Variants in CCDC7 observed in about 807,000 individuals in gnomAD.
The protein encoded by CCDC7 is coiled-coil domain containing 7.
A neutral mutation model predicts 196.9 loss-of-function variants in CCDC7; 183 were observed. That is an observed-to-expected ratio of 0.93 (90% CI 0.82 to 1.05). The LOEUF (loss-of-function observed/expected upper bound fraction) is 1.05, where lower values mean the gene tolerates loss of function less well. CCDC7 is among the 50% of genes least tolerant of loss of function. The pLI is 0.00. For missense variants in CCDC7, 1,540 were observed against 1,482.2 expected (o/e 1.04, Z -0.64); for synonymous variants, 525 against 484.6 (o/e 1.08, Z -1.10).
intron 15 of CCDC7, among the ~76,000 whole-genome samples, chr10:32,570,564 C>T (rs3006743): frequency 0.14 from 21,011 of 152,188 alleles, 1,756 homozygotes; most frequent in East Asian, 0.25. Flanking sequence ...AGTTCTGCTC[C>T]ACAGGGTTGT....
intron 8 of CCDC7, chr10:32,481,622 T>C (rs753243504): frequency 2.6e-5 from 4 of 152,202 alleles, no homozygotes; most frequent in Non-Finnish European, 4.4e-5. Context: ...CAGTGAGTTT[T>C]ATACTTTCAT....
chr10:32,632,139 TGG>T (rs59349566), intron 18 of CCDC7, among the ~76,000 whole-genome samples: 26,682 of 125,718 alleles, frequency 0.21, 4,741 homozygotes, highest in African/African-American at 0.48. Flanking sequence ...TTCTTTTTTT[TGG>T]GGGGGGGGGG....
intron 20 of CCDC7, among the ~76,000 whole-genome samples, chr10:32,636,617 C>T (rs1305725174): frequency 6.6e-6 from 1 of 152,148 alleles, no homozygotes; most frequent in African/African-American, 2.4e-5. Context: ...TTTTCTTAAC[C>T]CAGTCTATCA....
In CCDC7 at chr10:32,490,176, A is replaced by AT. The variant is rs989606985; in HGVS notation, c.797-1739dup. Among the ~76,000 whole-genome samples the AT allele has an allele frequency of 1.0e-3, 157 of 151,698 alleles. 2 individuals are homozygous for AT. The highest frequency in any genetic ancestry group is 7.4e-5 in the Non-Finnish European group (5 of 67,894). ...TATCCTGTCTGTGTGGTTATTCTCC[A>AT]TTTTTTTGCTTTACTATCTTGCTGC... On this transcript the variant is annotated intron_variant, in intron 8 of 41. Transcript: ENST00000639629.
intron 11 of CCDC7, among the ~76,000 whole-genome samples, chr10:32,542,278 G>C (rs1281452598): frequency 6.6e-6 from 1 of 152,074 alleles, no homozygotes; most frequent in Non-Finnish European, 1.5e-5. Context: ...ATAATTGAAC[G>C]ATTTGAGCAT....
intron 28 of CCDC7, among the ~76,000 whole-genome samples, chr10:32,761,306 G>T (rs1428404447): frequency 6.6e-6 from 1 of 151,840 alleles, no homozygotes; most frequent in Non-Finnish European, 1.5e-5. Context: ...GGAATAAAAG[G>T]GTATATGGTA....
intron 28 of CCDC7, among the ~76,000 whole-genome samples, chr10:32,733,885 T>C (rs2132883159): frequency 6.6e-6 from 1 of 152,304 alleles, no homozygotes; most frequent in Non-Finnish European, 1.5e-5. Flanking sequence ...TGAGATACCA[T>C]CTCACACTAG....
At chr10:32,546,979 TTTCCTCCTCCTCCTCCTCTTC>T (rs1357602037) in intron 13 of CCDC7, among the ~76,000 whole-genome samples, 1 of 152,048 alleles carries the variant, frequency 6.6e-6, no homozygotes, top group Non-Finnish European at 1.5e-5. Flanking sequence ...TCATAGCACC[TTTCCTCCTCCTCCTCCTCTTC>T]TTCCTCTTCC....
intron 21 of CCDC7, among the ~76,000 whole-genome samples, chr10:32,673,673 G>GTGTGTGTGTGTT (rs1229059632): frequency 6.6e-6 from 1 of 150,460 alleles, no homozygotes; most frequent in African/African-American, 2.4e-5. Flanking sequence ...GTGTGTGTGT[G>GTGTGTGTGTGTT]TGTGTGTGTG....
chr10:32,505,575 A>G (rs1589290402), intron 9 of CCDC7, among the ~76,000 whole-genome samples: 1 of 152,064 alleles, frequency 6.6e-6, no homozygotes, highest in Non-Finnish European at 1.5e-5. Context: ...TCCTATGTCT[A>G]CTTCTTTCTA....
exon 15 of CCDC7, chr10:32,567,794 A>T (rs2057041947): frequency 3.7e-6 from 6 of 1,613,746 alleles, no homozygotes; most frequent in Non-Finnish European, 5.1e-6. Flanking sequence ...AAAGGTGAAG[A>T]TTCAAAAAAT....
At chr10:32,817,086 G>GA (rs955914315) in intron 31 of CCDC7, among the ~76,000 whole-genome samples, 19 of 151,020 alleles carry the variant, frequency 1.3e-4, no homozygotes, top group South Asian at 8.4e-4. Flanking sequence ...TAAAAACCTT[G>GA]AAAAAAAAAT....
chr10:32,718,992 T>C (rs1392693623), intron 25 of CCDC7, among the ~76,000 whole-genome samples: 2 of 152,162 alleles, frequency 1.3e-5, no homozygotes, highest in Non-Finnish European at 2.9e-5. Flanking sequence ...CAAGCTATCA[T>C]TGACTTTCTT....
chr10:32,518,864 TAAATAG>T (rs2047459194), intron 11 of CCDC7, among the ~76,000 whole-genome samples: 1 of 152,176 alleles, frequency 6.6e-6, no homozygotes, highest in East Asian at 1.9e-4. Context: ...CCAAATAGAG[TAAATAG>T]AAATAGAAAT....
At chr10:32,697,214 A>G (rs1369849322) in intron 24 of CCDC7, among the ~76,000 whole-genome samples, 1 of 152,210 alleles carries the variant, frequency 6.6e-6, no homozygotes, top group Non-Finnish European at 1.5e-5. Flanking sequence ...GGAACCACCC[A>G]AGATGGCCGA....
intron 39 of CCDC7, among the ~76,000 whole-genome samples, chr10:32,849,634 T>TGGA (rs2093460263): frequency 7.6e-6 from 1 of 131,780 alleles, no homozygotes; most frequent in African/African-American, 3.0e-5. Flanking sequence ...ATCCAGGAGG[T>TGGA]GGAGGTTGCA....
exon 32 of CCDC7, chr10:32,824,558 A>T: frequency 6.2e-7 from 1 of 1,612,468 alleles, no homozygotes; most frequent in Non-Finnish European, 8.5e-7. Context: ...AGAGAGGTAC[A>T]ATAAATGATG....
At chr10:32,597,419 G>A (rs1351496661) in intron 18 of CCDC7, among the ~76,000 whole-genome samples, 3 of 152,028 alleles carry the variant, frequency 2.0e-5, no homozygotes, top group Admixed American at 6.6e-5. Context: ...TTAGCCATTC[G>A]TCTACTCTTT....
At chr10:32,643,719 T>A (rs2139958752) in intron 20 of CCDC7, among the ~76,000 whole-genome samples, 1 of 152,108 alleles carries the variant, frequency 6.6e-6, no homozygotes, top group Middle Eastern at 3.6e-3. Context: ...TTTCAACTTT[T>A]TAAGTGCATA....
Sources: allele counts gnomAD v4.1 joint callset (sites outside exome capture counted in the v4.1 genomes callset), GRCh38; gene constraint gnomAD v4.1.1; transcripts MANE v1.5; gene names NCBI Gene and HGNC (gene_info 2026-07-23, HGNC 2026-07-21).